The following RUFY3 variants were observed in gnomAD, a reference collection of about 807,000 sequenced individuals.
The protein encoded by RUFY3 is RUN and FYVE domain containing 3.
In RUFY3, 34 loss-of-function variants were observed where a neutral mutation model predicts 84.0. The ratio of observed to expected loss-of-function variants is 0.40; its 90% confidence interval spans 0.31 to 0.54. RUFY3 has a LOEUF of 0.54. Ranked by LOEUF, RUFY3 falls within the 20% of genes least tolerant of loss-of-function variation. The pLI, the probability that RUFY3 is intolerant of heterozygous loss-of-function variation, is 0.39. For synonymous variants in RUFY3, 242 were observed against 252.9 expected (o/e 0.96, Z 0.41); for missense variants, 507 against 736.8 (o/e 0.69, Z 3.61).
At chr4:70,758,058 A>C (rs1295610965) in intron 1 of RUFY3, among the ~76,000 whole-genome samples, 1 of 152,242 alleles carries the variant, frequency 6.6e-6, no homozygotes, top group African/African-American at 2.4e-5. Context: ...AAAAGTACAA[A>C]ATACACAGAA....
chr4:70,768,164 G>C (rs1473235384), intron 4 of RUFY3, among the ~76,000 whole-genome samples: 1 of 152,134 alleles, frequency 6.6e-6, no homozygotes, highest in Admixed American at 6.5e-5. Context: ...ATGCATAAAA[G>C]ATTGCAAAAT....
chr4:70,735,784 C>T (rs1016009729), intron 1 of RUFY3, among the ~76,000 whole-genome samples: 5 of 151,894 alleles, frequency 3.3e-5, no homozygotes, highest in African/African-American at 1.2e-4. Context: ...GTCAGGAGTT[C>T]GAGACCAGCC....
intron 5 of RUFY3, among the ~76,000 whole-genome samples, chr4:70,771,857 T>A (rs1489010528): frequency 6.6e-6 from 1 of 152,136 alleles, no homozygotes; most frequent in Non-Finnish European, 1.5e-5. Context: ...GCTGTATTCT[T>A]ACAATAAAGT....
At chr4:70,797,391 A>G (rs1004246398) in intron 14 of RUFY3, among the ~76,000 whole-genome samples, 1 of 152,218 alleles carries the variant, frequency 6.6e-6, no homozygotes, top group Non-Finnish European at 1.5e-5. Context: ...CGCGTTTTCC[A>G]TGAACTTTTT....
intron 5 of RUFY3, among the ~76,000 whole-genome samples, chr4:70,771,917 A>T (rs922892049): frequency 2.6e-5 from 4 of 152,146 alleles, no homozygotes; most frequent in African/African-American, 9.6e-5. Context: ...ATGAGAAAAT[A>T]TATTTACTAT....
upstream of RUFY3, among the ~76,000 whole-genome samples, chr4:70,720,473 C>T (rs994905128): frequency 2.6e-5 from 4 of 152,182 alleles, no homozygotes; most frequent in African/African-American, 4.8e-5. Context: ...CATGAGCCAC[C>T]GCGCCCAGCC....
At chr4:70,790,372 G>T (rs571426378) in intron 12 of RUFY3, among the ~76,000 whole-genome samples, 5 of 152,176 alleles carry the variant, frequency 3.3e-5, no homozygotes, top group African/African-American at 1.2e-4. Context: ...CTTAACACCT[G>T]TTTGTCACCC....
intron 1 of RUFY3, among the ~76,000 whole-genome samples, chr4:70,742,371 C>T (rs1363666782): frequency 4.6e-5 from 7 of 152,088 alleles, no homozygotes; most frequent in South Asian, 2.1e-4. Context: ...TACATGTTCC[C>T]GCTTTGCTGT....
chr4:70,733,137 GGAGAGAGA>G (rs778346957), intron 1 of RUFY3, among the ~76,000 whole-genome samples: 51 of 86,672 alleles, frequency 5.9e-4, no homozygotes, highest in African/African-American at 1.5e-3. Flanking sequence ...AGGGAGGGAG[GGAGAGAGA>G]GAGAGAGAGA....
chr4:70,791,263 G>A (rs1164323938), intron 12 of RUFY3: 1 of 1,613,574 alleles, frequency 6.2e-7, no homozygotes, highest in East Asian at 2.2e-5. Context: ...ACCTTAAATA[G>A]TGCAGCAAAT....
At chr4:70,719,010 C>T (rs1218177606), upstream of RUFY3, among the ~76,000 whole-genome samples, 5 of 152,224 alleles carry the variant, frequency 3.3e-5, no homozygotes, top group African/African-American at 1.2e-4. Context: ...CCACCGTGCC[C>T]GGCCGTAGAA....
At chr4:70,801,268 C>A (rs971783074) in intron 15 of RUFY3, among the ~76,000 whole-genome samples, 6 of 151,674 alleles carry the variant, frequency 4.0e-5, no homozygotes, top group Admixed American at 6.6e-5. Flanking sequence ...CTGTATGATA[C>A]TATGATGGTG....
upstream of RUFY3, among the ~76,000 whole-genome samples, chr4:70,720,639 T>C (rs1421397041): frequency 6.6e-6 from 1 of 152,204 alleles, no homozygotes; most frequent in Non-Finnish European, 1.5e-5. Flanking sequence ...AGAAATTAGG[T>C]AAATCAAGAT....
chr4:70,787,932 C>A (rs1730171057), intron 10 of RUFY3, among the ~76,000 whole-genome samples: 1 of 152,102 alleles, frequency 6.6e-6, no homozygotes, highest in Non-Finnish European at 1.5e-5. Flanking sequence ...TTCGATCACC[C>A]ACATAATGTT....
intron 1 of RUFY3, among the ~76,000 whole-genome samples, chr4:70,728,365 G>C (rs1718650968): frequency 6.6e-6 from 1 of 152,224 alleles, no homozygotes; most frequent in Admixed American, 6.5e-5. Context: ...AGCATCGTGA[G>C]AGAGGATCAC....
chr4:70,724,331 G>A (rs1447150589), intron 1 of RUFY3, among the ~76,000 whole-genome samples: 2 of 152,136 alleles, frequency 1.3e-5, no homozygotes, highest in African/African-American at 4.8e-5. Flanking sequence ...CAATTTGAGA[G>A]TTATACAATA....
rs371613737 is a variant in RUFY3 at position 70,778,393 on chromosome 4, A to C, written c.849A>C (p.Ala283=). The change falls in exon 8 of 18, where the codon GCA becomes GCC. Residue 283 remains alanine, a synonymous_variant. Coordinates refer to ENST00000381006, the MANE Select transcript of RUFY3 (RefSeq NM_001037442.4). Reference sequence around the variant, plus strand: ...GTGCTACTGTAAACAACCTTCAGGCAAAAGTAGATGCATTAGAAAAATCCA... The same window carrying C: ...GTGCTACTGTAAACAACCTTCAGGCCAAAGTAGATGCATTAGAAAAATCCA... The part of the protein sequence containing the change: ...HLNATVNNLQ[A]KVDALEKSNT... 6.2e-7 allele frequency: 1 copy of C among 1,605,468 alleles called. No individual in the cohort carries two copies. The highest frequency in any genetic ancestry group is 1.3e-5 in the African/African-American group (1 of 74,654).
At chr4:70,762,746 A>C (rs1177616350) in intron 2 of RUFY3, 54 bp downstream of exon 2, 1 of 1,451,278 alleles carries the variant, frequency 6.9e-7, no homozygotes, top group Non-Finnish European at 9.6e-7. Flanking sequence ...CTAGCAATGC[A>C]TACTATAGAA....
chr4:70,714,052 G>T (rs753238266), intron 1 of RUFY3, among the ~76,000 whole-genome samples: 16 of 152,278 alleles, frequency 1.1e-4, no homozygotes, highest in South Asian at 8.3e-4. Flanking sequence ...CTCCGAAATG[G>T]TTAATATTAT....
Sources: gnomAD v4.1 joint callset for allele counts (sites outside exome capture counted in the v4.1 genomes callset) on GRCh38, gnomAD v4.1.1 for gene constraint, MANE v1.5 for transcripts, NCBI Gene and HGNC (gene_info 2026-07-23, HGNC 2026-07-21) for gene names.